Variants in CALN1 observed in about 807,000 individuals in gnomAD.
CALN1 encodes the protein calneuron 1, also known as calcium-binding protein 8.
A neutral mutation model predicts 30.6 loss-of-function variants in CALN1; 17 were observed. That is an observed-to-expected ratio of 0.56 (90% CI 0.38 to 0.83). CALN1 has a LOEUF of 0.83. Among genes scored for constraint, CALN1 ranks in the 40% least tolerant of loss-of-function variants. CALN1 has a pLI of 0.00. For synonymous variants in CALN1, 156 were observed against 131.4 expected (o/e 1.19, Z -1.28); for missense variants, 291 against 354.9 (o/e 0.82, Z 1.45).
intron 3 of CALN1, among the ~76,000 whole-genome samples, chr7:72,176,138 C>T (rs1194428032): frequency 6.6e-6 from 1 of 152,166 alleles, no homozygotes; most frequent in East Asian, 1.9e-4. Context: ...GAGCACCTGA[C>T]CTAGCTTGGC....
At chr7:72,450,127 T>C (rs531047881), upstream of CALN1, among the ~76,000 whole-genome samples, 1 of 150,938 alleles carries the variant, frequency 6.6e-6, no homozygotes, top group East Asian at 2.0e-4. Flanking sequence ...GATCACTTGA[T>C]CCCAGGAGTT....
At chr7:72,314,650 G>A (rs2944831) in intron 2 of CALN1, among the ~76,000 whole-genome samples, 29,704 of 151,138 alleles carry the variant, frequency 0.2, 3,838 homozygotes, top group Middle Eastern at 0.32. Flanking sequence ...CCTGACCTCC[G>A]GTGATCTGCC....
chr7:71,825,236 A>G (rs948429088), intron 5 of CALN1, among the ~76,000 whole-genome samples: 12 of 152,200 alleles, frequency 7.9e-5, no homozygotes, highest in African/African-American at 1.7e-4. Context: ...GTCCCCACCC[A>G]AATCTCATCT....
intron 6 of CALN1, among the ~76,000 whole-genome samples, chr7:71,809,751 CT>C (rs529958030): frequency 2.0e-5 from 3 of 151,712 alleles, no homozygotes; most frequent in South Asian, 2.1e-4. Flanking sequence ...TCATGGGTCT[CT>C]TTTTTGGCCT....
intron 5 of CALN1, among the ~76,000 whole-genome samples, chr7:71,854,152 A>G (rs62459050): frequency 0.31 from 47,736 of 151,958 alleles, 8,435 homozygotes; most frequent in Middle Eastern, 0.5. Flanking sequence ...TTTACACAAC[A>G]TGGGCTAGAA....
intron 4 of CALN1, among the ~76,000 whole-genome samples, chr7:72,054,434 T>TATATATATATACATATATACAC (rs1803062240): frequency 5.6e-4 from 1 of 1,770 alleles, no homozygotes; most frequent in East Asian, 0.045. Flanking sequence ...TATATACACG[T>TATATATATATACATATATACAC]ATATATATAT....
intron 2 of CALN1, among the ~76,000 whole-genome samples, chr7:72,329,679 C>G (rs536200473): frequency 4.6e-5 from 7 of 152,324 alleles, no homozygotes; most frequent in Admixed American, 4.6e-4. Context: ...CTTGGTTGGG[C>G]GCGGTGGCTC....
intron 2 of CALN1, among the ~76,000 whole-genome samples, chr7:72,320,899 C>T (rs1028953834): frequency 2.0e-5 from 3 of 150,194 alleles, no homozygotes; most frequent in Non-Finnish European, 3.0e-5. Context: ...AAGAGCATGG[C>T]TTTTGAAGTC....
intron 5 of CALN1, among the ~76,000 whole-genome samples, chr7:71,880,251 G>T (rs368264137): frequency 2.0e-5 from 3 of 152,298 alleles, no homozygotes; most frequent in East Asian, 3.9e-4. Context: ...AAGAGGGAAA[G>T]AAATTAACTT....
intron 1 of CALN1, among the ~76,000 whole-genome samples, chr7:72,421,447 T>G (rs1483469337): frequency 6.6e-6 from 1 of 152,122 alleles, no homozygotes. Context: ...TTCATCAACC[T>G]TTCTGCTTTT....
intron 2 of CALN1, among the ~76,000 whole-genome samples, chr7:72,331,151 A>AC (rs1208338593): frequency 1.3e-5 from 2 of 152,066 alleles, no homozygotes; most frequent in Non-Finnish European, 2.9e-5. Flanking sequence ...GGAGTTCGAG[A>AC]CCAGCCTGGC....
intron 5 of CALN1, among the ~76,000 whole-genome samples, chr7:71,864,402 G>C (rs1323885649): frequency 6.6e-6 from 1 of 152,202 alleles, no homozygotes; most frequent in African/African-American, 2.4e-5. Context: ...GAGCCACACA[G>C]CAAGGATTCA....
At chr7:72,114,407 G>T (rs2129541756) in intron 3 of CALN1, among the ~76,000 whole-genome samples, 1 of 151,472 alleles carries the variant, frequency 6.6e-6, no homozygotes, top group Admixed American at 6.6e-5. Flanking sequence ...CCACACTGAG[G>T]ATAGGTGTCT....
intron 2 of CALN1, 100 bp from the exon 3 acceptor site, chr7:72,278,910 A>G: frequency 6.9e-7 from 1 of 1,447,788 alleles, no homozygotes; most frequent in South Asian, 1.3e-5. Context: ...GGCCAGTGTC[A>G]TTTTAAAAAT....
At chr7:72,337,965 C>T (rs140042481) in intron 2 of CALN1, among the ~76,000 whole-genome samples, 1 of 152,204 alleles carries the variant, frequency 6.6e-6, no homozygotes, top group African/African-American at 2.4e-5. Context: ...AGACCCCTGC[C>T]CCAGGTCTCA....
intron 6 of CALN1, among the ~76,000 whole-genome samples, chr7:71,801,394 A>G (rs1460068051): frequency 6.1e-5 from 7 of 115,042 alleles, no homozygotes; most frequent in Admixed American, 4.3e-4. Flanking sequence ...GTATGTATGT[A>G]TGTATGTATG....
intron 4 of CALN1, among the ~76,000 whole-genome samples, chr7:72,090,986 A>C (rs906718843): frequency 6.6e-6 from 1 of 152,250 alleles, no homozygotes; most frequent in Admixed American, 6.5e-5. Context: ...GTTATTGAGA[A>C]GGAATGAGAC....
At chr7:72,178,713 A>T (rs1371921603) in intron 3 of CALN1, among the ~76,000 whole-genome samples, 1 of 151,906 alleles carries the variant, frequency 6.6e-6, no homozygotes, top group African/African-American at 2.4e-5. Flanking sequence ...AAGAAAGAAA[A>T]GGTTATTTGA....
chr7:72,474,018 A>G, the CALN1 span, among the ~76,000 whole-genome samples: 4 of 152,086 alleles, frequency 2.6e-5, no homozygotes, highest in Non-Finnish European at 5.9e-5. Flanking sequence ...GAAAAAAAAG[A>G]TTGTTAGAAT....
Sources: gnomAD v4.1 joint callset for allele counts (sites outside exome capture counted in the v4.1 genomes callset) on GRCh38, gnomAD v4.1.1 for gene constraint, MANE v1.5 for transcripts, NCBI Gene and HGNC (gene_info 2026-07-23, HGNC 2026-07-21) for gene names.